SORBS2: variants seen among roughly 807,000 people sequenced by gnomAD.
SORBS2 encodes the protein sorbin and SH3 domain-containing protein 2.
A neutral mutation model predicts 97.7 loss-of-function variants in SORBS2; 46 were observed. The ratio of observed to expected loss-of-function variants is 0.47; its 90% CI spans 0.37 to 0.60. The LOEUF is 0.60. Ranked by LOEUF, SORBS2 falls within the 20% of genes least tolerant of loss-of-function variation. The pLI is 0.00. For missense variants in SORBS2, 1,316 were observed against 1,282.3 expected (o/e 1.03, Z -0.40); for synonymous variants, 476 against 473.4 (o/e 1.01, Z -0.07).
chr4:185,620,368 T>A (rs561548428), intron 7 of SORBS2, among the ~76,000 whole-genome samples: 1 of 152,326 alleles, frequency 6.6e-6, no homozygotes, highest in East Asian at 1.9e-4. Flanking sequence ...GGTTGCAGAA[T>A]TATAATTGTC....
intron 4 of SORBS2, among the ~76,000 whole-genome samples, chr4:185,669,679 C>CA (rs1044678521): frequency 3.3e-5 from 5 of 151,800 alleles, no homozygotes; most frequent in African/African-American, 1.2e-4. Context: ...AACATCAATG[C>CA]AAAAAAGCAA....
chr4:185,777,787 A>AG (rs1194553190), intron 1 of SORBS2, among the ~76,000 whole-genome samples: 1 of 92,598 alleles, frequency 1.1e-5, no homozygotes, highest in Non-Finnish European at 2.9e-5. Context: ...GTCTTTATAC[A>AG]AAAAAAAAAG....
chr4:185,914,238 G>A (rs950538729), intron 1 of SORBS2, among the ~76,000 whole-genome samples: 16 of 152,214 alleles, frequency 1.1e-4, no homozygotes, highest in East Asian at 3.9e-4. Flanking sequence ...TTTTCTCTAG[G>A]AAAGTTAGAA....
At chr4:185,631,036 T>G (rs2096897716) in intron 4 of SORBS2, among the ~76,000 whole-genome samples, 1 of 152,238 alleles carries the variant, frequency 6.6e-6, no homozygotes, top group Non-Finnish European at 1.5e-5. Flanking sequence ...ACATCACATT[T>G]TAAAGTTTTT....
At chr4:185,666,294 C>A in intron 4 of SORBS2, 1 of 654,128 alleles carries the variant, frequency 1.5e-6, no homozygotes, top group Non-Finnish European at 2.3e-6. Flanking sequence ...GGCAAAGCAT[C>A]GGTTTTATTT....
At chr4:185,829,185 A>G (rs988402809) in intron 1 of SORBS2, among the ~76,000 whole-genome samples, 2 of 152,212 alleles carry the variant, frequency 1.3e-5, no homozygotes, top group African/African-American at 4.8e-5. Flanking sequence ...GGCAATCATC[A>G]TACTCTTGCT....
At chr4:185,753,463 A>C (rs1310038284) in intron 2 of SORBS2, among the ~76,000 whole-genome samples, 1 of 152,238 alleles carries the variant, frequency 6.6e-6, no homozygotes, top group East Asian at 1.9e-4. Context: ...TATACTTTAT[A>C]AAAATATAAT....
At chr4:185,859,507 C>T (rs977958696) in intron 1 of SORBS2, among the ~76,000 whole-genome samples, 1 of 152,170 alleles carries the variant, frequency 6.6e-6, no homozygotes, top group Non-Finnish European at 1.5e-5. Context: ...AACGTCTGTT[C>T]TCCTCTGCAA....
In SORBS2 at chr4:185,797,926, G is replaced by A. The variant is rs943587513; in HGVS notation, c.-337-22560C>T. 3.9e-5 allele frequency among the ~76,000 whole-genome samples: 6 copies of A among 152,092 alleles called. 1 individual carries two copies. The highest frequency in any genetic ancestry group is 1.2e-4 in the African/African-American group (5 of 41,404). On this transcript the variant is annotated intron_variant, in intron 1 of 20. Coordinates refer to the SORBS2 transcript ENST00000284776. ...TGCACACACTGAAGTTGCCTAGAAG[G>A]GTCAGTCACACTCTACTCTGTGCCT... is the stretch of plus-strand genomic sequence containing the variant.
At chr4:185,659,120 C>A (rs1217093845), upstream of SORBS2, among the ~76,000 whole-genome samples, 1 of 152,164 alleles carries the variant, frequency 6.6e-6, no homozygotes, top group African/African-American at 2.4e-5. Flanking sequence ...ATGATTATGA[C>A]TATTTTCAAT....
At chr4:185,940,910 G>T (rs1385123849) in intron 1 of SORBS2, among the ~76,000 whole-genome samples, 1 of 152,230 alleles carries the variant, frequency 6.6e-6, no homozygotes, top group East Asian at 1.9e-4. Context: ...CTCCCTAGGG[G>T]CATTTAGCAA....
In SORBS2 at chr4:185,691,152, G is replaced by A. The variant is rs190363358; in HGVS notation, c.-197-12330C>T. ...CCTGACGTCGTGATCCACCTGATTC[G>A]GCCTCCCAGAGTGCTGGGATTACAG... On this transcript the variant is annotated intron_variant, in intron 2 of 20. Transcript: ENST00000284776. 4.6e-5 allele frequency among the ~76,000 whole-genome samples: 7 copies of A among 152,128 alleles called. No homozygotes were observed. The East Asian group carries it at 7.7e-4, about 17-fold the overall frequency.
upstream of SORBS2, among the ~76,000 whole-genome samples, chr4:185,661,230 C>T (rs1488429329): frequency 5.3e-5 from 8 of 151,164 alleles, no homozygotes; most frequent in South Asian, 4.2e-4. Flanking sequence ...GAGCCGAGAT[C>T]GCCCCATTGC....
intron 1 of SORBS2, among the ~76,000 whole-genome samples, chr4:185,926,256 G>C (rs1009483837): frequency 2.6e-5 from 4 of 152,244 alleles, no homozygotes; most frequent in African/African-American, 9.6e-5. Flanking sequence ...GTGGTAAGAG[G>C]CTACAGCATA....
chr4:185,826,332 G>A (rs1277761976), intron 1 of SORBS2, among the ~76,000 whole-genome samples: 4 of 152,208 alleles, frequency 2.6e-5, no homozygotes, highest in Middle Eastern at 3.4e-3. Flanking sequence ...TATGCTCATC[G>A]ACCACTACTA....
intron 1 of SORBS2, among the ~76,000 whole-genome samples, chr4:185,948,779 A>G (rs927355721): frequency 5.3e-5 from 8 of 152,172 alleles, no homozygotes; most frequent in Non-Finnish European, 1.0e-4. Context: ...CGGCCTCCCA[A>G]AGTGCTGGGA....
chr4:185,916,625 T>C (rs2099258283), intron 1 of SORBS2, among the ~76,000 whole-genome samples: 1 of 152,306 alleles, frequency 6.6e-6, no homozygotes, highest in East Asian at 1.9e-4. Context: ...TTTTCAACAG[T>C]GCTTCTCAAT....
chr4:185,798,744 GA>G (rs2099117380), intron 1 of SORBS2, among the ~76,000 whole-genome samples: 1 of 152,124 alleles, frequency 6.6e-6, no homozygotes, highest in African/African-American at 2.4e-5. Context: ...GTGAGGCCCT[GA>G]TTTGCCCCAT....
intron 1 of SORBS2, among the ~76,000 whole-genome samples, chr4:185,806,434 CTATTTTTTTTTTTTT>C (rs750023405): frequency 0.45 from 48,191 of 107,478 alleles, 17,224 homozygotes; most frequent in Middle Eastern, 0.59. Context: ...GGCTAGAATC[CTATTTTTTTTTTTTT>C]TTTTTTTTTT....
Sources: allele counts gnomAD v4.1 joint callset (sites outside exome capture counted in the v4.1 genomes callset), GRCh38; gene constraint gnomAD v4.1.1; transcripts MANE v1.5; gene names NCBI Gene and HGNC (gene_info 2026-07-23, HGNC 2026-07-21).